Variants in TNS3 observed in about 807,000 individuals in gnomAD.
TNS3 encodes the protein tensin 3.
In TNS3, 45 loss-of-function variants were observed where a neutral mutation model predicts 140.9. The ratio of observed to expected loss-of-function variants is 0.32; its 90% CI spans 0.25 to 0.41. The LOEUF is 0.41. TNS3 is among the 10% of genes least tolerant of loss of function. The pLI is 1.00. For missense variants in TNS3, 1,716 were observed against 1,906.7 expected (o/e 0.90, Z 1.86); for synonymous variants, 815 against 788.4 (o/e 1.03, Z -0.56).
intron 15 of TNS3, among the ~76,000 whole-genome samples, chr7:47,397,962 AT>A (rs1792930328): frequency 6.6e-6 from 1 of 152,234 alleles, no homozygotes; most frequent in African/African-American, 2.4e-5. Context: ...GAAGATTCAA[AT>A]AAATTCAATT....
chr7:47,571,042 G>A (rs555457142), intron 1 of TNS3, among the ~76,000 whole-genome samples: 24 of 152,242 alleles, frequency 1.6e-4, no homozygotes, highest in Non-Finnish European at 3.1e-4. Context: ...AAGGACTCAG[G>A]AGGCCCACAG....
intron 4 of TNS3, among the ~76,000 whole-genome samples, chr7:47,470,250 C>A (rs1456254824): frequency 2.0e-5 from 3 of 152,142 alleles, no homozygotes; most frequent in African/African-American, 7.2e-5. Context: ...TGAAAAACCA[C>A]CTATTGGGTA....
Position 47,278,183 on chromosome 7 carries a change from T to C in TNS3, c.4231A>G (p.Thr1411Ala), listed in dbSNP as rs1372561914. Residue 1411 changes from threonine to alanine, a missense_variant, in exon 31 of 31, where the codon ACG (threonine) becomes GCG (alanine). Physicochemically the swap from Thr to Ala is moderately conservative, Grantham distance 58. Around this residue, in one of 3 missense-constraint regions of TNS3, gnomAD observed 216 missense variants for 295.7 expected, o/e 0.73. Coordinates refer to ENST00000311160, the MANE Select transcript of TNS3 (RefSeq NM_022748.12). ...GFVARKQGSATDNVCHLFAEH... is the reference protein window; with the variant it reads ...GFVARKQGSAADNVCHLFAEH... ...GCAAACAGGTGGCACACATTATCCG[T>C]GGCACTGCCCTGCTTCCGGGCCACA... 1.9e-6 allele frequency: 3 copies of C among 1,614,034 alleles called. No homozygotes were observed. The highest frequency in any genetic ancestry group is 2.5e-6 in the Non-Finnish European group (3 of 1,180,032).
chr7:47,297,144 G>A lies in TNS3; in HGVS notation c.3614C>T (p.Ala1205Val), dbSNP rs752024531. 4 of 1,614,020 alleles carry A rather than the reference G, an allele frequency of 2.5e-6. No homozygotes were observed. The highest frequency in any genetic ancestry group is 2.5e-6 in the Non-Finnish European group (3 of 1,180,008). The change falls in exon 24 of 31, where the codon GCC becomes GTC. Residue 1205 changes from alanine to valine, a missense_variant. Ala to Val is a moderately conservative substitution (Grantham distance 64). This residue lies in a region of TNS3 where 1,163 missense variants were observed against 1,182.1 expected (regional missense o/e 0.98). Transcript: ENST00000311160. ...GGCCACCTTCATGGCCAGGCCATAG[G>A]CCCCTCGGAAGGAATGGCTGTCTCG... ...IVRDSHSFRG[A>V]YGLAMKVATP... is the part of the protein sequence containing the mutation.
At chr7:47,400,328 G>A (rs373289826) in intron 15 of TNS3, 65 bp downstream of exon 15, 242 of 1,333,094 alleles carry the variant, frequency 1.8e-4, no homozygotes, top group Non-Finnish European at 2.4e-4. Context: ...CAGCCCCAGC[G>A]TAGCCATCAT....
At position 47,507,061 on chromosome 7, in the gene TNS3, C is replaced by G. The variant is rs942733397; in HGVS notation, c.-152-117G>C. ...TCTGGCTTGAAGATCCCATAGGTGG[C>G]CTCTCTCTGGCACGAGAGAGATTTT... is the stretch of plus-strand genomic sequence containing the variant. On this transcript the variant is annotated intron_variant, in intron 2 of 30. Coordinates refer to ENST00000311160, the MANE Select transcript of TNS3 (RefSeq NM_022748.12). 19 of 829,572 alleles carry G rather than the reference C, an allele frequency of 2.3e-5. No individual in the cohort carries two copies. The African/African-American group carries it at 2.5e-4, about 11-fold the overall frequency. The allele number at this position is 829,572 out of a possible 1,614,324, so 51.4% of individuals were successfully genotyped here.
intron 13 of TNS3, among the ~76,000 whole-genome samples, chr7:47,403,048 C>G (rs576374209): frequency 6.6e-6 from 1 of 152,240 alleles, no homozygotes; most frequent in African/African-American, 2.4e-5. Context: ...GGCTCCAGTA[C>G]GGGCCACATA....
At chr7:47,365,254 G>T (rs939947463) in intron 17 of TNS3, among the ~76,000 whole-genome samples, 4 of 151,972 alleles carry the variant, frequency 2.6e-5, no homozygotes, top group Non-Finnish European at 4.4e-5. Flanking sequence ...AGACCACCTT[G>T]GCCAATATGG....
chr7:47,524,179 C>G (rs77539523), intron 2 of TNS3, among the ~76,000 whole-genome samples: 1 of 152,184 alleles, frequency 6.6e-6, no homozygotes, highest in Non-Finnish European at 1.5e-5. Context: ...GCGGTGGTCC[C>G]GTCCTGCCTC....
chr7:47,552,800 A>G (rs889747078), intron 1 of TNS3, among the ~76,000 whole-genome samples: 1 of 152,226 alleles, frequency 6.6e-6, no homozygotes, highest in Admixed American at 6.5e-5. Context: ...CTTAAAAGCT[A>G]GAAATGAGTC....
intron 3 of TNS3, among the ~76,000 whole-genome samples, chr7:47,499,101 T>G (rs970676958): frequency 1.3e-5 from 2 of 152,224 alleles, no homozygotes; most frequent in African/African-American, 4.8e-5. Flanking sequence ...AGTATAATTG[T>G]GCTGACATGA....
chr7:47,384,448 T>G (rs942329393), intron 16 of TNS3, among the ~76,000 whole-genome samples: 2 of 152,234 alleles, frequency 1.3e-5, no homozygotes, highest in Non-Finnish European at 2.9e-5. Flanking sequence ...CATGCCTCCC[T>G]TGGTCCAGGT....
At chr7:47,346,058 G>T in intron 18 of TNS3, 129 bp downstream of exon 18, 1 of 1,224,114 alleles carries the variant, frequency 8.2e-7, no homozygotes, top group Non-Finnish European at 1.1e-6. Flanking sequence ...CAGGACGGAA[G>T]GTGGGTGCGG....
At chr7:47,482,169 T>G (rs950565861) in intron 3 of TNS3, among the ~76,000 whole-genome samples, 1 of 152,244 alleles carries the variant, frequency 6.6e-6, no homozygotes, top group African/African-American at 2.4e-5. Context: ...CAAAGAGTTT[T>G]CTGAAAATGT....
At chr7:47,510,860 T>TAAAA (rs34323744) in intron 2 of TNS3, among the ~76,000 whole-genome samples, 7 of 128,302 alleles carry the variant, frequency 5.5e-5, no homozygotes, top group East Asian at 2.3e-4. Context: ...AGACTGTCTT[T>TAAAA]AAAAAAAAAA....
intron 4 of TNS3, among the ~76,000 whole-genome samples, chr7:47,467,120 T>C (rs1412000425): frequency 6.6e-6 from 1 of 152,230 alleles, no homozygotes; most frequent in Non-Finnish European, 1.5e-5. Flanking sequence ...ACAACCTGGA[T>C]GCAAGCACAG....
chr7:47,495,084 G>C (rs866010888), intron 3 of TNS3, among the ~76,000 whole-genome samples: 1 of 151,548 alleles, frequency 6.6e-6, no homozygotes, highest in Admixed American at 6.6e-5. Context: ...CCAGCTACTC[G>C]GGAGGCTGAG....
intron 16 of TNS3, among the ~76,000 whole-genome samples, chr7:47,370,630 T>C (rs1205235850): frequency 1.3e-5 from 2 of 152,234 alleles, no homozygotes; most frequent in Admixed American, 1.3e-4. Flanking sequence ...AGCAGGTCCT[T>C]ACCAAGAGCC....
chr7:47,481,938 C>T (rs562569592), intron 3 of TNS3, among the ~76,000 whole-genome samples: 3 of 152,296 alleles, frequency 2.0e-5, no homozygotes, highest in African/African-American at 7.2e-5. Context: ...AACAATAGTG[C>T]CTTCCGGGCA....
Sources: gnomAD v4.1 joint callset for allele counts (sites outside exome capture counted in the v4.1 genomes callset) on GRCh38, gnomAD v4.1.1 for gene constraint, gnomAD v4.1.1 regional missense constraint, MANE v1.5 for transcripts, NCBI Gene and HGNC (gene_info 2026-07-23, HGNC 2026-07-21) for gene names.